Variants in JAM3 observed in about 807,000 individuals in gnomAD.
JAM3 encodes junctional adhesion molecule C.
A neutral mutation model predicts 39.4 loss-of-function variants in JAM3; 31 were observed. That is an observed-to-expected ratio of 0.79 (90% CI 0.59 to 1.06). The LOEUF (loss-of-function observed/expected upper bound fraction) is 1.06. Ranked by LOEUF, JAM3 falls within the 50% of genes least tolerant of loss-of-function variation. The pLI, the probability that JAM3 is intolerant of heterozygous loss-of-function variation, is 0.00. For missense variants in JAM3, 455 were observed against 391.4 expected (o/e 1.16, Z -1.37); for synonymous variants, 182 against 148.7 (o/e 1.22, Z -1.63).
intron 1 of JAM3, among the ~76,000 whole-genome samples, chr11:134,099,648 C>A (rs1270923699): frequency 1.3e-5 from 2 of 152,136 alleles, no homozygotes; most frequent in East Asian, 3.9e-4. Context: ...TGTCACCCGC[C>A]CAGGCTGGAG....
chr11:134,107,481 A>G (rs1423342084), intron 1 of JAM3, among the ~76,000 whole-genome samples: 1 of 152,114 alleles, frequency 6.6e-6, no homozygotes, highest in African/African-American at 2.4e-5. Context: ...TAAAGTATAA[A>G]AAATATATAT....
At chr11:134,074,257 C>A (rs1941528924) in intron 1 of JAM3, among the ~76,000 whole-genome samples, 1 of 152,044 alleles carries the variant, frequency 6.6e-6, no homozygotes, top group Non-Finnish European at 1.5e-5. Flanking sequence ...TTTTGTTTTC[C>A]TGGTTGATTC....
At chr11:134,085,603 A>G (rs1680908775) in intron 1 of JAM3, among the ~76,000 whole-genome samples, 1 of 152,182 alleles carries the variant, frequency 6.6e-6, no homozygotes, top group African/African-American at 2.4e-5. Flanking sequence ...GGGCTCCACT[A>G]TGACTACCCC....
At chr11:134,146,540 C>T (rs546658024) in intron 6 of JAM3, among the ~76,000 whole-genome samples, 2 of 151,890 alleles carry the variant, frequency 1.3e-5, no homozygotes, top group African/African-American at 4.8e-5. Context: ...GTGTCCAAAT[C>T]ACTTGGGGAG....
intron 1 of JAM3, among the ~76,000 whole-genome samples, chr11:134,125,021 C>T (rs948294447): frequency 6.6e-6 from 1 of 152,258 alleles, no homozygotes; most frequent in African/African-American, 2.4e-5. Flanking sequence ...GCGACACCCG[C>T]CCGGTGGCGG....
At chr11:134,086,050 T>C (rs1941741458) in intron 1 of JAM3, among the ~76,000 whole-genome samples, 1 of 152,230 alleles carries the variant, frequency 6.6e-6, no homozygotes. Context: ...GAGGTTGTAA[T>C]AATCTCCTCA....
At chr11:134,093,882 T>C (rs1941925050) in intron 1 of JAM3, among the ~76,000 whole-genome samples, 1 of 96,338 alleles carries the variant, frequency 1.0e-5, no homozygotes, top group Non-Finnish European at 2.0e-5. Context: ...TCCTGAACCC[T>C]CCTTATTCAT....
chr11:134,087,217 A>ATG (rs1419087617), intron 1 of JAM3, among the ~76,000 whole-genome samples: 18 of 150,704 alleles, frequency 1.2e-4, no homozygotes, highest in Admixed American at 6.6e-5. Flanking sequence ...ATACACACAC[A>ATG]CGCACACACA....
chr11:134,089,898 T>C (rs895368507), intron 1 of JAM3, among the ~76,000 whole-genome samples: 2 of 152,210 alleles, frequency 1.3e-5, no homozygotes, highest in African/African-American at 2.4e-5. Context: ...ACTTCCACAA[T>C]GATTGAACTA....
At chr11:134,118,771 C>A (rs1410795759) in intron 1 of JAM3, among the ~76,000 whole-genome samples, 1 of 152,146 alleles carries the variant, frequency 6.6e-6, no homozygotes, top group East Asian at 1.9e-4. Flanking sequence ...ATTAACATGG[C>A]AATAATTTCC....
chr11:134,140,817 A>G, intron 3 of JAM3, 47 bp downstream of exon 3: 1 of 1,577,602 alleles, frequency 6.3e-7, no homozygotes, highest in Non-Finnish European at 8.6e-7. Flanking sequence ...CTCTGTCCAT[A>G]GACCTGGGTA....
chr11:134,137,507 C>G (rs529412832), intron 1 of JAM3, among the ~76,000 whole-genome samples: 1 of 152,254 alleles, frequency 6.6e-6, no homozygotes, highest in Non-Finnish European at 1.5e-5. Flanking sequence ...GAGCAGTGCT[C>G]TCATGACTCA....
intron 1 of JAM3, among the ~76,000 whole-genome samples, chr11:134,127,616 C>G (rs919207746): frequency 6.6e-6 from 1 of 152,220 alleles, no homozygotes; most frequent in Non-Finnish European, 1.5e-5. Context: ...AGGAGGATCA[C>G]TTGAGCCCCG....
chr11:134,145,323 A>G (rs1180542196), intron 5 of JAM3: 2 of 438,522 alleles, frequency 4.6e-6, no homozygotes, highest in Non-Finnish European at 8.4e-6. Flanking sequence ...GTATTTGATG[A>G]TCTATTAAGC....
chr11:134,132,321 C>T (rs1177830698), intron 1 of JAM3, among the ~76,000 whole-genome samples: 1 of 152,090 alleles, frequency 6.6e-6, no homozygotes, highest in Non-Finnish European at 1.5e-5. Context: ...AATTCTATAT[C>T]CAGCAAAACC....
chr11:134,131,262 G>A (rs1942764367), intron 1 of JAM3, among the ~76,000 whole-genome samples: 1 of 151,838 alleles, frequency 6.6e-6, no homozygotes, highest in African/African-American at 2.4e-5. Context: ...TTGTTGTAGT[G>A]TTTGTTTATT....
intron 1 of JAM3, among the ~76,000 whole-genome samples, chr11:134,084,523 T>C (rs1941716466): frequency 6.6e-6 from 1 of 152,234 alleles, no homozygotes; most frequent in Non-Finnish European, 1.5e-5. Flanking sequence ...AATTAATTAA[T>C]TCATGTGAAG....
intron 1 of JAM3, among the ~76,000 whole-genome samples, chr11:134,100,285 G>A (rs925610041): frequency 6.6e-6 from 1 of 152,100 alleles, no homozygotes; most frequent in South Asian, 2.1e-4. Context: ...GTCTTCTGAG[G>A]AACGATTGCT....
intron 1 of JAM3, among the ~76,000 whole-genome samples, chr11:134,134,189 CAGAG>C (rs1008101039): frequency 2.0e-5 from 3 of 151,786 alleles, no homozygotes; most frequent in African/African-American, 7.3e-5. Context: ...ACTGAAGGCA[CAGAG>C]AGAAAGATGA....
Sources: gnomAD v4.1 joint callset for allele counts (sites outside exome capture counted in the v4.1 genomes callset) on GRCh38, gnomAD v4.1.1 for gene constraint, MANE v1.5 for transcripts, NCBI Gene and HGNC (gene_info 2026-07-23, HGNC 2026-07-21) for gene names.